The following PRPF18 variants were observed in gnomAD, a reference collection of about 807,000 sequenced individuals.
The protein encoded by PRPF18 is pre-mRNA processing factor 18.
A neutral mutation model predicts 46.5 loss-of-function variants in PRPF18; 38 were observed. That is an observed-to-expected ratio of 0.82 (90% CI 0.63 to 1.07). PRPF18 has a LOEUF of 1.07. Among genes scored for constraint, PRPF18 ranks in the 50% least tolerant of loss-of-function variants. PRPF18 has a pLI of 0.00. For missense variants in PRPF18, 263 were observed against 410.0 expected (o/e 0.64, Z 3.10); for synonymous variants, 152 against 146.7 (o/e 1.04, Z -0.26).
At chr10:13,619,279 T>G (rs1039642280) in intron 9 of PRPF18, among the ~76,000 whole-genome samples, 5 of 152,268 alleles carry the variant, frequency 3.3e-5, no homozygotes, top group Admixed American at 2.6e-4. Flanking sequence ...AGGATTAAAC[T>G]TGTTTTATAC....
At chr10:13,632,147 C>G (rs10906432), downstream of PRPF18, among the ~76,000 whole-genome samples, 35,325 of 152,014 alleles carry the variant, frequency 0.23, 4,228 homozygotes, top group Non-Finnish European at 0.26. Flanking sequence ...AGAGACCATT[C>G]TGGCTAACAC....
In PRPF18 at chr10:13,614,210, A is replaced by C. The variant is rs1421357643; in HGVS notation, c.792+124A>C. 7 of 730,166 alleles carry C rather than the reference A, an allele frequency of 9.6e-6. No individual in the cohort carries two copies. In the East Asian group the frequency reaches 2.0e-4, roughly 21 times the overall value. The allele number at this position is 730,166 out of a possible 1,614,324, so 45.2% of individuals were successfully genotyped here. A position where few individuals can be genotyped will look rare whatever the true frequency, so the allele number is the denominator to read the frequency against. On this transcript the variant is annotated intron_variant, in intron 8 of 9. Transcript: ENST00000378572. ...TTTAAGAATAAATGTGAGATGAGTT[A>C]GTAGTAAAAAGCGTTTTATTTTCTA...
At chr10:13,596,611 G>A (rs780689860) in intron 1 of PRPF18, among the ~76,000 whole-genome samples, 2 of 152,290 alleles carry the variant, frequency 1.3e-5, no homozygotes, top group South Asian at 2.1e-4. Context: ...GCAGAGCTGC[G>A]ATGGCAACAA....
chr10:13,625,630 A>G (rs1230570999), intron 9 of PRPF18, among the ~76,000 whole-genome samples: 1 of 152,240 alleles, frequency 6.6e-6, no homozygotes, highest in Non-Finnish European at 1.5e-5. Flanking sequence ...AATTCACTTA[A>G]TACAGCGCAA....
chr10:13,600,980 CA>C (rs1279888802), intron 3 of PRPF18, among the ~76,000 whole-genome samples: 1 of 152,114 alleles, frequency 6.6e-6, no homozygotes, highest in African/African-American at 2.4e-5. Context: ...GGGGTTTCAT[CA>C]TGTTGGCCAG....
At chr10:13,602,325 T>A (rs978850851) in intron 3 of PRPF18, among the ~76,000 whole-genome samples, 2 of 152,230 alleles carry the variant, frequency 1.3e-5, no homozygotes, top group African/African-American at 4.8e-5. Flanking sequence ...ATTTTTATAT[T>A]GTGAAATTTG....
At chr10:13,623,837 A>G (rs757716243) in intron 9 of PRPF18, among the ~76,000 whole-genome samples, 22 of 152,348 alleles carry the variant, frequency 1.4e-4, no homozygotes, top group African/African-American at 3.6e-4. Flanking sequence ...ATATCATGCT[A>G]TGATACACCA....
downstream of PRPF18, among the ~76,000 whole-genome samples, chr10:13,633,848 C>A (rs912541854): frequency 2.6e-5 from 4 of 152,146 alleles, no homozygotes; most frequent in Non-Finnish European, 4.4e-5. Context: ...GGTATATTGA[C>A]GCAAGAGCTT....
At chr10:13,627,929 G>T (rs572358575) in intron 9 of PRPF18, among the ~76,000 whole-genome samples, 1 of 152,190 alleles carries the variant, frequency 6.6e-6, no homozygotes, top group African/African-American at 2.4e-5. Context: ...TCATCAGGGT[G>T]TTCTCTTGCC....
intron 3 of PRPF18, among the ~76,000 whole-genome samples, chr10:13,602,983 C>T (rs544797638): frequency 6.6e-6 from 1 of 152,356 alleles, no homozygotes; most frequent in Non-Finnish European, 1.5e-5. Context: ...CTGCTCGCCT[C>T]GACCTCACAA....
At chr10:13,623,169 C>G in intron 9 of PRPF18, among the ~76,000 whole-genome samples, 1 of 152,046 alleles carries the variant, frequency 6.6e-6, no homozygotes, top group East Asian at 1.9e-4. Context: ...CCACTGCACT[C>G]CAGCCTGGGT....
chr10:13,610,013 G>A (rs1398740572), intron 4 of PRPF18, 26 bp from the exon 5 acceptor site: 1 of 1,571,394 alleles, frequency 6.4e-7, no homozygotes, highest in Non-Finnish European at 8.7e-7. Context: ...CATAACAGGT[G>A]TTCTTCCTTT....
At chr10:13,617,141 C>T (rs1189490921) in intron 9 of PRPF18, among the ~76,000 whole-genome samples, 1 of 152,148 alleles carries the variant, frequency 6.6e-6, no homozygotes, top group South Asian at 2.1e-4. Context: ...GGAAGAAAAT[C>T]GACTATAATG....
chr10:13,617,977 T>C (rs2080370108), intron 9 of PRPF18, among the ~76,000 whole-genome samples: 1 of 152,186 alleles, frequency 6.6e-6, no homozygotes, highest in Admixed American at 6.5e-5. Flanking sequence ...GACTCATAGC[T>C]CATTGACAGA....
intron 3 of PRPF18, among the ~76,000 whole-genome samples, chr10:13,601,162 G>A (rs534093401): frequency 6.6e-6 from 1 of 152,320 alleles, no homozygotes; most frequent in African/African-American, 2.4e-5. Context: ...ACATCCTTAT[G>A]TAGACATCAT....
chr10:13,623,121 A>T (rs1005807710), intron 9 of PRPF18, among the ~76,000 whole-genome samples: 1 of 152,108 alleles, frequency 6.6e-6, no homozygotes, highest in African/African-American at 2.4e-5. Flanking sequence ...GAATGGCATG[A>T]ACCCTGGAGG....
Position 13,602,309 on chromosome 10 carries a change from A to AT in PRPF18, c.249+1963dup, listed in dbSNP as rs2080123575. Among the ~76,000 whole-genome samples the AT allele has an allele frequency of 2.0e-5, 3 of 152,244 alleles. No homozygotes were observed. The South Asian group carries it at 6.2e-4, about 32-fold the overall frequency. On this transcript the variant is annotated intron_variant, in intron 3 of 9. Coordinates refer to ENST00000378572, the MANE Select transcript of PRPF18 (RefSeq NM_003675.4). ...TCGTTAATGTCTCTTGTTTTGTGGA[A>AT]TTGCCATTTTTATATTGTGAAATTT... is the stretch of plus-strand genomic sequence containing the variant.
the PRPF18 span, chr10:13,655,678 C>A: frequency 3.3e-5 from 5 of 152,288 alleles, no homozygotes; most frequent in East Asian, 7.7e-4. Context: ...AGATGAACCC[C>A]CCATTATCTC....
the PRPF18 span, chr10:13,640,060 T>G: frequency 1.3e-5 from 2 of 152,108 alleles, no homozygotes; most frequent in Non-Finnish European, 2.9e-5. Context: ...TGGCGCCTCT[T>G]CAGAGGTTTG....
Sources: gnomAD v4.1 joint callset for allele counts (sites outside exome capture counted in the v4.1 genomes callset) on GRCh38, gnomAD v4.1.1 for gene constraint, MANE v1.5 for transcripts, NCBI Gene and HGNC (gene_info 2026-07-23, HGNC 2026-07-21) for gene names.